Variants in PLEKHA5 observed in about 807,000 individuals in gnomAD.
PLEKHA5 encodes the protein pleckstrin homology domain-containing family A member 5.
Under a neutral mutation model 181.9 loss-of-function variants are expected in PLEKHA5, and 55 were observed. The ratio of observed to expected loss-of-function variants is 0.30; its 90% CI spans 0.24 to 0.38. The LOEUF is 0.38. Among genes scored for constraint, PLEKHA5 ranks in the 10% least tolerant of loss-of-function variants. The pLI is 1.00. For missense variants in PLEKHA5, 1,432 were observed against 1,549.5 expected (o/e 0.92, Z 1.27); for synonymous variants, 535 against 529.4 (o/e 1.01, Z -0.15).
rs138542592 is a variant in PLEKHA5, at chr12:19,309,949, C to T, written c.2038-4865C>T. Among the ~76,000 whole-genome samples the T allele has an allele frequency of 5.2e-3, 795 of 152,066 alleles. 10 individuals are homozygous for T. Among genetic ancestry groups the T allele is most frequent in the African/African-American group, 0.018 (741 of 41,452 alleles). On this transcript the variant is annotated intron_variant, in intron 15 of 31. Coordinates refer to ENST00000429027, the MANE Select transcript of PLEKHA5 (RefSeq NM_001256470.2). ...TCTGTGCCATGTTGATGTACAATTTCGAAATTATTTTACAAGACTTTGATA... is the reference window on the plus strand; with the variant it reads ...TCTGTGCCATGTTGATGTACAATTTTGAAATTATTTTACAAGACTTTGATA...
intron 26 of PLEKHA5, among the ~76,000 whole-genome samples, chr12:19,354,485 G>GT (rs36094874): frequency 0.093 from 10,139 of 109,464 alleles, 436 homozygotes; most frequent in East Asian, 0.13. Context: ...AAAAAAAATT[G>GT]TTTTTTTTTT....
chr12:19,254,139 A>G (rs1472450867), intron 4 of PLEKHA5, 116 bp downstream of exon 4: 7 of 690,138 alleles, frequency 1.0e-5, no homozygotes, highest in African/African-American at 1.8e-5. Context: ...GTCAAGTATA[A>G]TAACAGAATG....
intron 3 of PLEKHA5, among the ~76,000 whole-genome samples, chr12:19,247,430 A>C (rs2064019701): frequency 6.6e-6 from 1 of 152,224 alleles, no homozygotes; most frequent in Non-Finnish European, 1.5e-5. Context: ...TTTATAAAAT[A>C]CATAAGATTG....
intron 12 of PLEKHA5, among the ~76,000 whole-genome samples, chr12:19,286,588 T>G (rs1251364052): frequency 6.6e-6 from 1 of 152,142 alleles, no homozygotes; most frequent in East Asian, 1.9e-4. Context: ...ACAATGCCAC[T>G]CTTGCCACTA....
At chr12:19,337,204 C>A (rs2093500215) in intron 21 of PLEKHA5, among the ~76,000 whole-genome samples, 1 of 151,744 alleles carries the variant, frequency 6.6e-6, no homozygotes, top group Non-Finnish European at 1.5e-5. Context: ...AGTTAATAAG[C>A]AAACAGATCT....
intron 3 of PLEKHA5, among the ~76,000 whole-genome samples, chr12:19,191,173 G>C (rs1176487233): frequency 1.3e-5 from 2 of 152,000 alleles, no homozygotes; most frequent in African/African-American, 4.8e-5. Context: ...TAAAGTACTG[G>C]TAGCAAACAT....
At chr12:19,192,726 G>A (rs971226729) in intron 3 of PLEKHA5, among the ~76,000 whole-genome samples, 2 of 151,976 alleles carry the variant, frequency 1.3e-5, no homozygotes, top group African/African-American at 4.8e-5. Context: ...AAAAAGAAAA[G>A]AATTTATTCT....
rs2095650015 is a variant in PLEKHA5 at position 19,373,939 on chromosome 12, GT to G, written c.*12-1588del. On this transcript the variant is annotated intron_variant, in intron 31 of 31. Coordinates refer to ENST00000429027, the MANE Select transcript of PLEKHA5 (RefSeq NM_001256470.2). Reference sequence around the variant, plus strand: ...TTAAATTGTTATAGGATTTTATTTTGTTTTCTTCTTATTCCAAGAGCAGTGG... The same window carrying G: ...TTAAATTGTTATAGGATTTTATTTTGTTTCTTCTTATTCCAAGAGCAGTGG... 4.1e-5 allele frequency among the ~76,000 whole-genome samples: 4 copies of G among 96,466 alleles called. No individual in the cohort carries two copies. The South Asian group carries it at 1.3e-3, about 32-fold the overall frequency. The allele number at this position is 96,466 out of a possible 152,430, so 63.3% of individuals were successfully genotyped here.
At chr12:19,317,491 A>T (rs559053554) in intron 16 of PLEKHA5, among the ~76,000 whole-genome samples, 1 of 152,192 alleles carries the variant, frequency 6.6e-6, no homozygotes, top group African/African-American at 2.4e-5. Context: ...AAGATGCAAT[A>T]TCAACAAATG....
intron 3 of PLEKHA5, among the ~76,000 whole-genome samples, chr12:19,198,434 C>T (rs111315403): frequency 2.0e-5 from 3 of 152,282 alleles, no homozygotes; most frequent in South Asian, 2.1e-4. Context: ...TGTTGGCCCT[C>T]GGGGCTTTTC....
At chr12:19,175,781 AT>A (rs1317655190) in intron 3 of PLEKHA5, among the ~76,000 whole-genome samples, 1 of 152,202 alleles carries the variant, frequency 6.6e-6, no homozygotes, top group Non-Finnish European at 1.5e-5. Flanking sequence ...TCTTTCCCTT[AT>A]TTTGAAATAA....
intron 3 of PLEKHA5, chr12:19,154,135 G>A (rs192602206): frequency 3.9e-5 from 6 of 152,162 alleles, no homozygotes; most frequent in Admixed American, 2.0e-4. Context: ...CTCCACCTCC[G>A]GTAGTACTTG....
Position 19,130,385 on chromosome 12 carries a change from T to TC in PLEKHA5, c.169+261dup, listed in dbSNP as rs1184226576. Among the ~76,000 whole-genome samples the TC allele has an allele frequency of 6.7e-6, 1 of 149,632 alleles. No homozygotes were observed. Among genetic ancestry groups the TC allele is most frequent in the African/African-American group, 2.5e-5 (1 of 40,380 alleles). On this transcript the variant is annotated intron_variant, in intron 2 of 31. Coordinates refer to ENST00000429027, the MANE Select transcript of PLEKHA5 (RefSeq NM_001256470.2). The surrounding 1 kb of genome is among the most constrained non-coding windows in gnomAD (Gnocchi z 4.5). ...GACGGCGCCCTCTTCCTGCGCCTTC[T>TC]CCCCCCATCCCAGCCTAGACGACCC...
At chr12:19,175,019 TA>T (rs1402812937) in intron 3 of PLEKHA5, among the ~76,000 whole-genome samples, 22 of 152,110 alleles carry the variant, frequency 1.4e-4, no homozygotes, top group African/African-American at 5.3e-4. Context: ...GAAATGTGAA[TA>T]AAAAATGGGA....
At position 19,322,546 on chromosome 12, in the gene PLEKHA5, C is replaced by CT. The variant is rs2091137553; in HGVS notation, c.2327_2328insT (p.Ser777GlnfsTer10). On this transcript the variant is annotated frameshift_variant, in exon 20 of 32. Transcript: ENST00000429027. LOFTEE classifies it high-confidence loss of function. ...ACGCTTGAGCAAGCTTTGCTATCAG[C>CT]CAGCCAAGAGATAGAAATGCATGCA... is the stretch of plus-strand genomic sequence containing the variant. The CT allele has an allele frequency of 6.2e-7, 1 of 1,613,630 alleles. No homozygotes were observed. Among genetic ancestry groups the CT allele is most frequent in the Non-Finnish European group, 8.5e-7 (1 of 1,179,730 alleles).
chr12:19,354,482 A>T (rs572344208), intron 26 of PLEKHA5, among the ~76,000 whole-genome samples: 1,297 of 112,960 alleles, frequency 0.011, 22 homozygotes, highest in African/African-American at 0.042. Flanking sequence ...AAAAAAAAAA[A>T]TTGTTTTTTT....
Position 19,132,895 on chromosome 12 carries a change from C to CA in PLEKHA5, c.227+454dup, listed in dbSNP as rs1057023866. ...ATTATCTGTGCTGAGAGATAACAAACAAAAAAAAATCTGAGTTACGTGAAC... is the reference window on the plus strand; with the variant it reads ...ATTATCTGTGCTGAGAGATAACAAACAAAAAAAAAATCTGAGTTACGTGAAC... On this transcript the variant is annotated intron_variant, in intron 3 of 31. Transcript: ENST00000429027. 3.1e-4 allele frequency among the ~76,000 whole-genome samples: 36 copies of CA among 115,130 alleles called. No individual in the cohort carries two copies. The East Asian group carries it at 5.4e-3, about 17-fold the overall frequency. The allele number at this position is 115,130 out of a possible 152,430, so 75.5% of individuals were successfully genotyped here.
intron 3 of PLEKHA5, among the ~76,000 whole-genome samples, chr12:19,240,912 G>C (rs912551824): frequency 2.0e-5 from 3 of 152,126 alleles, no homozygotes; most frequent in African/African-American, 2.4e-5. Flanking sequence ...AACTTTTCGA[G>C]TAAGTATTCT....
Position 19,216,139 on chromosome 12 carries a change from G to A in PLEKHA5, c.228-37801G>A, listed in dbSNP as rs190413042. On this transcript the variant is annotated intron_variant, in intron 3 of 31. Coordinates refer to ENST00000429027, the MANE Select transcript of PLEKHA5 (RefSeq NM_001256470.2). ...AAAGAAGAGGCATTTTGGTTTATCC[G>A]GAGAGACAGTTTTTCCTTGAATAGA... Among the ~76,000 whole-genome samples the A allele has an allele frequency of 7.9e-5, 12 of 152,218 alleles. No individual in the cohort carries two copies. The East Asian group carries it at 2.1e-3, about 27-fold the overall frequency.
Sources: gnomAD v4.1 joint callset for allele counts (sites outside exome capture counted in the v4.1 genomes callset) on GRCh38, gnomAD v4.1.1 for gene constraint, Gnocchi (gnomAD v3.1) non-coding constraint, MANE v1.5 for transcripts, NCBI Gene and HGNC (gene_info 2026-07-23, HGNC 2026-07-21) for gene names.